Variants in CDH3 observed in about 807,000 individuals in gnomAD.
CDH3 encodes cadherin 3, also known as cadherin-3.
In CDH3, 54 loss-of-function variants were observed where a neutral mutation model predicts 82.0. That is an observed-to-expected ratio of 0.66 (90% CI 0.53 to 0.83). The LOEUF (loss-of-function observed/expected upper bound fraction) is 0.83, where lower values mean the gene tolerates loss of function less well. Among genes scored for constraint, CDH3 ranks in the 40% least tolerant of loss-of-function variants. CDH3 has a pLI of 0.00. For synonymous variants in CDH3, 446 were observed against 437.9 expected (o/e 1.02, Z -0.23); for missense variants, 1,054 against 1,084.6 (o/e 0.97, Z 0.40).
rs899495436 is a variant in CDH3, at chr16:68,674,076, A to G, written c.161-2309A>G. Among the ~76,000 whole-genome samples, 81 of 152,312 alleles carry G rather than the reference A, an allele frequency of 5.3e-4. 1 individual carries two copies. The highest frequency in any genetic ancestry group is 1.8e-3 in the African/African-American group (75 of 41,582). ...GCATTGAATTGCTAGGTCATGTGGT[A>G]ATTCTACATTTAACACGTTGAGGAA... On this transcript the variant is annotated intron_variant, in intron 2 of 15. Coordinates refer to ENST00000264012, the MANE Select transcript of CDH3 (RefSeq NM_001793.6).
rs1465758322 is a variant in CDH3 at position 68,685,279 on chromosome 16, C to T, written c.1499C>T (p.Thr500Ile). 4 of 1,614,012 alleles carry T rather than the reference C, an allele frequency of 2.5e-6. No individual in the cohort carries two copies. The highest frequency in any genetic ancestry group is 1.3e-5 in the African/African-American group (1 of 74,918). Residue 500 changes from threonine (T) to isoleucine (I), a missense_variant, in exon 11 of 16, where the codon ACC (threonine) becomes ATC (isoleucine). Coordinates refer to ENST00000264012, the MANE Select transcript of CDH3 (RefSeq NM_001793.6). ...AGTGGGCAGGTCACAGCTGTGGGCACCCTCGACCGTGAGGATGAGCAGTTT... is the reference window on the plus strand; with the variant it reads ...AGTGGGCAGGTCACAGCTGTGGGCATCCTCGACCGTGAGGATGAGCAGTTT... ...PDSGQVTAVGTLDREDEQFVR... is the reference protein window; with the variant it reads ...PDSGQVTAVGILDREDEQFVR...
downstream of CDH3, among the ~76,000 whole-genome samples, chr16:68,705,078 TGA>T (rs1237469468): frequency 6.6e-6 from 1 of 151,462 alleles, no homozygotes; most frequent in Non-Finnish European, 1.5e-5. Flanking sequence ...AACGAAAAAA[TGA>T]GAGAGAGGTT....
chr16:68,682,609 C>A, intron 9 of CDH3, 122 bp downstream of exon 9: 1 of 873,540 alleles, frequency 1.1e-6, no homozygotes, highest in Non-Finnish European at 1.9e-6. Context: ...CAGTGGCTCC[C>A]AACACTGTTC....
intron 2 of CDH3, among the ~76,000 whole-genome samples, chr16:68,724,729 C>T (rs1962201194): frequency 6.6e-6 from 1 of 152,038 alleles, no homozygotes; most frequent in African/African-American, 2.4e-5. Context: ...TGGTGTTAGC[C>T]ACAAAGTCCC....
At chr16:68,691,991 A>G (rs1385327393) in intron 13 of CDH3, 65 bp downstream of exon 13, 1 of 1,345,732 alleles carries the variant, frequency 7.4e-7, no homozygotes, top group Non-Finnish European at 1.0e-6. Flanking sequence ...TTCTACCTTG[A>G]GCTTTAACTC....
intron 2 of CDH3, among the ~76,000 whole-genome samples, chr16:68,672,197 A>T (rs7500835): frequency 5.7e-5 from 3 of 52,704 alleles, no homozygotes; most frequent in African/African-American, 1.4e-4. Context: ...TCTCAAAAAA[A>T]AAAAAAATAA....
At position 68,682,406 on chromosome 16, in the gene CDH3, TATC is replaced by T. The variant is rs1230955946; in HGVS notation, c.1104_1106del (p.Ile368del). On this transcript the variant is annotated inframe_deletion, in exon 9 of 16. Transcript: ENST00000264012. The stretch of plus-strand genomic sequence containing the variant: ...CACCAGCGTGGCGTGCCACCTACCT[TATC>T]ATGGGCGGTGACGACGGGGACCATT... 3.7e-6 allele frequency: 6 copies of T among 1,613,938 alleles called. No homozygotes were observed. Among genetic ancestry groups the T allele is most frequent in the East Asian group, 4.5e-5 (2 of 44,896 alleles).
chr16:68,662,204 CAGAG>C (rs903467170), intron 2 of CDH3, among the ~76,000 whole-genome samples: 5 of 152,072 alleles, frequency 3.3e-5, no homozygotes, highest in African/African-American at 9.7e-5. Context: ...CTGTTCCAGA[CAGAG>C]GGAGTAGTGT....
At chr16:68,696,685 A>G (rs1158579657) in intron 15 of CDH3, 2 of 153,582 alleles carry the variant, frequency 1.3e-5, no homozygotes, top group East Asian at 3.8e-4. Flanking sequence ...TCACTCTAAG[A>G]TCTGTCTGCC....
At chr16:68,650,405 A>C (rs577124649) in intron 2 of CDH3, among the ~76,000 whole-genome samples, 2 of 152,216 alleles carry the variant, frequency 1.3e-5, no homozygotes, top group East Asian at 3.9e-4. Flanking sequence ...TCTGGGTTCG[A>C]GTGATTTTTC....
At chr16:68,704,053 G>A (rs1018610412), downstream of CDH3, among the ~76,000 whole-genome samples, 2 of 152,086 alleles carry the variant, frequency 1.3e-5, no homozygotes, top group African/African-American at 2.4e-5. Flanking sequence ...TTGGGAGGCC[G>A]AGGCGGGCGG....
In CDH3 at chr16:68,718,965, G is replaced by A. The variant is rs188462909; in HGVS notation, c.100-3460G>A. 1.1e-3 allele frequency among the ~76,000 whole-genome samples: 172 copies of A among 152,230 alleles called. 1 individual carries two copies. The South Asian group carries it at 0.013, about 12-fold the overall frequency. On this transcript the variant is annotated intron_variant, in intron 1 of 2. Transcript: ENST00000569080. Reference sequence around the variant, plus strand: ...ATTAAGAAAAAAAACGGGGCCGGGCGCGGTGGCTCCCTCACGCCTGTAATC... The same window carrying A: ...ATTAAGAAAAAAAACGGGGCCGGGCACGGTGGCTCCCTCACGCCTGTAATC...
At chr16:68,694,306 C>T (rs1182465726) in intron 13 of CDH3, among the ~76,000 whole-genome samples, 1 of 121,466 alleles carries the variant, frequency 8.2e-6, no homozygotes, top group Non-Finnish European at 1.7e-5. Context: ...GAGCGAGACT[C>T]CCTCTCAAAA....
At chr16:68,661,078 G>C (rs938404902) in intron 2 of CDH3, among the ~76,000 whole-genome samples, 2 of 152,128 alleles carry the variant, frequency 1.3e-5, no homozygotes. Flanking sequence ...GAGGGGCCAA[G>C]GGGATGCTTA....
chr16:68,664,690 C>T (rs188871600), intron 2 of CDH3, among the ~76,000 whole-genome samples: 56 of 152,240 alleles, frequency 3.7e-4, no homozygotes, highest in African/African-American at 1.3e-3. Flanking sequence ...GACAGGGTCT[C>T]TCTCTGTTGC....
At chr16:68,727,132 T>TC (rs531596857) in intron 2 of CDH3, among the ~76,000 whole-genome samples, 94 of 152,096 alleles carry the variant, frequency 6.2e-4, no homozygotes, top group Middle Eastern at 3.4e-3. Flanking sequence ...TCACTCACTT[T>TC]CTCTCTCTCT....
At chr16:68,672,049 G>A (rs1027810170) in intron 2 of CDH3, among the ~76,000 whole-genome samples, 14 of 151,938 alleles carry the variant, frequency 9.2e-5, no homozygotes, top group African/African-American at 2.7e-4. Context: ...AAAATTAGCC[G>A]GGCGAGGTGG....
chr16:68,645,469 G>C (rs559868914), intron 1 of CDH3, 45 bp downstream of exon 1: 5 of 1,599,792 alleles, frequency 3.1e-6, no homozygotes, highest in Admixed American at 1.7e-5. Flanking sequence ...CCGCTCCCTG[G>C]GGGGCGGGCG....
chr16:68,732,717 C>A, the CDH3 span, among the ~76,000 whole-genome samples: 1 of 152,206 alleles, frequency 6.6e-6, no homozygotes, highest in African/African-American at 2.4e-5. Context: ...ATCACCTGCA[C>A]GGACAGGTTT....
Sources: gnomAD v4.1 joint callset for allele counts (sites outside exome capture counted in the v4.1 genomes callset) on GRCh38, gnomAD v4.1.1 for gene constraint, MANE v1.5 for transcripts, NCBI Gene and HGNC (gene_info 2026-07-23, HGNC 2026-07-21) for gene names.